Variants in TBCD observed in about 807,000 individuals in gnomAD.
TBCD encodes the protein tubulin-specific chaperone D.
Under a neutral mutation model 169.3 loss-of-function variants are expected in TBCD, and 105 were observed. The observed-to-expected ratio is 0.62, with a 90% confidence interval of 0.53 to 0.73. The LOEUF (loss-of-function observed/expected upper bound fraction) is 0.73. Ranked by LOEUF, TBCD falls within the 30% of genes least tolerant of loss-of-function variation. TBCD has a pLI of 0.00. For missense variants in TBCD, 1,444 were observed against 1,600.1 expected, an observed-to-expected ratio of 0.90 and a Z score of 1.66; for synonymous variants, 700 against 643.9, an observed-to-expected ratio of 1.09 and a Z score of -1.32.
intron 21 of TBCD, 71 bp downstream of exon 21, chr17:82,907,892 TC>T: frequency 6.5e-7 from 1 of 1,534,068 alleles, no homozygotes. Context: ...CCTCCCACCC[TC>T]CCCAGGCAGG....
At chr17:82,774,961 G>A (rs563223809) in intron 6 of TBCD, among the ~76,000 whole-genome samples, 1 of 152,334 alleles carries the variant, frequency 6.6e-6, no homozygotes, top group South Asian at 2.1e-4. Context: ...AATAGTATCT[G>A]CTTTTATTCT....
intron 14 of TBCD, among the ~76,000 whole-genome samples, chr17:82,882,679 A>G (rs577578365): frequency 2.6e-5 from 4 of 151,918 alleles, no homozygotes; most frequent in African/African-American, 9.7e-5. Context: ...AGATGCTGTG[A>G]ATCTGGAGAA....
chr17:82,802,992 C>G (rs75329337), intron 9 of TBCD, among the ~76,000 whole-genome samples: 1,935 of 152,364 alleles, frequency 0.013, 55 homozygotes, highest in African/African-American at 0.044. Flanking sequence ...TAGTCCCCGT[C>G]TTGTGTTTTT....
intron 13 of TBCD, among the ~76,000 whole-genome samples, chr17:82,823,897 C>T (rs2052611995): frequency 6.6e-6 from 1 of 152,116 alleles, no homozygotes; most frequent in Non-Finnish European, 1.5e-5. Context: ...CAAAACTTCT[C>T]ATCACCCCAG....
At chr17:82,802,710 G>A (rs746888210) in intron 9 of TBCD, among the ~76,000 whole-genome samples, 29 of 152,220 alleles carry the variant, frequency 1.9e-4, no homozygotes, top group Non-Finnish European at 4.1e-4. Context: ...GGGGCCTTCC[G>A]CTGGCTGAAC....
At chr17:82,908,349 G>A (rs1022876918) in intron 21 of TBCD, 10 of 456,644 alleles carry the variant, frequency 2.2e-5, no homozygotes, top group African/African-American at 1.8e-4. Context: ...GCAGAATTTT[G>A]TGTGTGCGTC....
At chr17:82,752,728 C>G (rs1292538121) in intron 1 of TBCD, among the ~76,000 whole-genome samples, 1 of 152,214 alleles carries the variant, frequency 6.6e-6, no homozygotes, top group Non-Finnish European at 1.5e-5. Context: ...GCTGGGGAGA[C>G]TCGGGCCAGA....
At chr17:82,892,521 C>T (rs2059213640) in intron 16 of TBCD, among the ~76,000 whole-genome samples, 1 of 152,142 alleles carries the variant, frequency 6.6e-6, no homozygotes, top group South Asian at 2.1e-4. Context: ...CCTGCTCATT[C>T]CGGCCTCTCC....
intron 13 of TBCD, chr17:82,829,947 C>T (rs986034233): frequency 9.0e-6 from 8 of 884,754 alleles, no homozygotes; most frequent in South Asian, 5.3e-5. Flanking sequence ...AGTAGAAGCA[C>T]CTTTTAATAT....
chr17:82,924,954 A>C lies in TBCD; in HGVS notation c.2276A>C (p.Gln759Pro). 2 of 1,566,656 alleles carry C rather than the reference A, an allele frequency of 1.3e-6. No homozygotes were observed. Among genetic ancestry groups the C allele is most frequent in the South Asian group, 1.2e-5 (1 of 85,008 alleles). Reference sequence around the variant, plus strand: ...TTCCTTTCAGAGGAGCTGATCACGCAGTACCTGGCTGAGCTTCGGAACCCC... The same window carrying C: ...TTCCTTTCAGAGGAGCTGATCACGCCGTACCTGGCTGAGCTTCGGAACCCC... Reference protein sequence around the residue: ...DPAIQEELITQYLAELRNPEE... With the variant: ...DPAIQEELITPYLAELRNPEE... Residue 759 changes from glutamine (Q) to proline (P), a missense_variant, in exon 27 of 39, where the codon CAG becomes CCG. Coordinates refer to ENST00000355528, the MANE Select transcript of TBCD (RefSeq NM_005993.5).
In TBCD at chr17:82,831,424, T is replaced by A; in HGVS notation, c.1318+16490T>A. The A allele has an allele frequency of 6.2e-7, 1 of 1,614,162 alleles. No individual in the cohort carries two copies. The highest frequency in any genetic ancestry group is 8.5e-7 in the Non-Finnish European group (1 of 1,180,024). ...TTCTTCAAGCAGGTGAGAGCTCTGA[T>A]CTCGGGTGAGGCCAGTGACAGGTGG... On this transcript the variant is annotated intron_variant, in intron 13 of 38. Coordinates refer to ENST00000355528, the MANE Select transcript of TBCD (RefSeq NM_005993.5). The surrounding 1 kb of genome is among the most constrained non-coding windows in gnomAD (Gnocchi z 4.6).
chr17:82,781,520 G>A, intron 6 of TBCD, 69 bp from the exon 7 acceptor site: 2 of 1,583,460 alleles, frequency 1.3e-6, no homozygotes, highest in Non-Finnish European at 8.6e-7. Flanking sequence ...GGTGTGTGTG[G>A]GGTGGGCTGG....
chr17:82,900,820 TCA>T, intron 18 of TBCD, 89 bp downstream of exon 18: 3 of 944,356 alleles, frequency 3.2e-6, no homozygotes, highest in Non-Finnish European at 5.1e-6. Context: ...GTGTATTTTC[TCA>T]CTGTGGATGT....
chr17:82,900,789 A>T, intron 18 of TBCD, 58 bp downstream of exon 18: 1 of 1,334,384 alleles, frequency 7.5e-7, no homozygotes, highest in Non-Finnish European at 1.1e-6. Flanking sequence ...GGAGAGATTC[A>T]GTTGAGCTTA....
At chr17:82,878,815 G>A (rs776484806) in intron 14 of TBCD, among the ~76,000 whole-genome samples, 5 of 152,128 alleles carry the variant, frequency 3.3e-5, no homozygotes, top group Admixed American at 2.0e-4. Context: ...CCACCCCGAC[G>A]TTCAGTGATT....
chr17:82,937,993 T>C, intron 35 of TBCD, 56 bp from the exon 36 acceptor site: 2 of 1,602,124 alleles, frequency 1.2e-6, no homozygotes, highest in Non-Finnish European at 1.7e-6. Context: ...CGGGGTTTGC[T>C]GGGGTTGGCC....
At chr17:82,812,787 C>T (rs1446586387) in intron 12 of TBCD, among the ~76,000 whole-genome samples, 14 of 152,176 alleles carry the variant, frequency 9.2e-5, no homozygotes, top group Admixed American at 2.6e-4. Context: ...GTGATCAGCC[C>T]GCCTCGGCCT....
intron 17 of TBCD, among the ~76,000 whole-genome samples, chr17:82,894,798 G>A (rs1007862694): frequency 3.9e-5 from 6 of 152,142 alleles, no homozygotes; most frequent in Admixed American, 2.6e-4. Context: ...CCAGCCTGGT[G>A]AAACCCCGTG....
At chr17:82,905,179 C>T (rs537921936) in intron 19 of TBCD, among the ~76,000 whole-genome samples, 103 of 152,344 alleles carry the variant, frequency 6.8e-4, no homozygotes, top group African/African-American at 2.4e-3. Context: ...TGTCCTGCTC[C>T]GCCCCCTCCA....
Sources: gnomAD v4.1 joint callset for allele counts (sites outside exome capture counted in the v4.1 genomes callset) on GRCh38, gnomAD v4.1.1 for gene constraint, Gnocchi (gnomAD v3.1) non-coding constraint, MANE v1.5 for transcripts, NCBI Gene and HGNC (gene_info 2026-07-23, HGNC 2026-07-21) for gene names.